The following LIN7A variants were observed in gnomAD, a reference collection of about 807,000 sequenced individuals.
LIN7A encodes protein lin-7 homolog A.
In LIN7A, 25 loss-of-function variants were observed where a neutral mutation model predicts 29.8. The ratio of observed to expected loss-of-function variants is 0.84; its 90% CI spans 0.61 to 1.17. The LOEUF (loss-of-function observed/expected upper bound fraction) is 1.17. Ranked by LOEUF, LIN7A falls within the 50% of genes most tolerant of loss-of-function variation. The pLI, the probability that LIN7A is intolerant of heterozygous loss-of-function variation, is 0.00. For synonymous variants in LIN7A, 118 were observed against 107.5 expected (o/e 1.10, Z -0.60); for missense variants, 239 against 287.0 (o/e 0.83, Z 1.21).
At chr12:80,884,626 A>G (rs1271009531) in intron 2 of LIN7A, among the ~76,000 whole-genome samples, 2 of 152,204 alleles carry the variant, frequency 1.3e-5, no homozygotes, top group Non-Finnish European at 2.9e-5. Flanking sequence ...AGCTTTAGAT[A>G]GGACGGAGAA....
intron 1 of LIN7A, among the ~76,000 whole-genome samples, chr12:80,915,879 G>A (rs1256353816): frequency 6.6e-6 from 1 of 152,158 alleles, no homozygotes; most frequent in Non-Finnish European, 1.5e-5. Flanking sequence ...GAATACAAGA[G>A]CAGGGAGGGA....
chr12:80,805,414 G>C (rs1232557333), intron 5 of LIN7A, among the ~76,000 whole-genome samples: 1 of 152,098 alleles, frequency 6.6e-6, no homozygotes, highest in African/African-American at 2.4e-5. Flanking sequence ...GGTCTTTAGA[G>C]TGGGAGGAAA....
intron 1 of LIN7A, among the ~76,000 whole-genome samples, chr12:80,906,445 ACT>A (rs1381803946): frequency 2.0e-5 from 3 of 150,770 alleles, no homozygotes; most frequent in Non-Finnish European, 4.4e-5. Context: ...TTGATCCAGG[ACT>A]CTCTTTCACC....
chr12:80,924,147 C>T (rs952031224), intron 1 of LIN7A, among the ~76,000 whole-genome samples: 2 of 152,168 alleles, frequency 1.3e-5, no homozygotes, highest in African/African-American at 4.8e-5. Flanking sequence ...GTACTGGGCA[C>T]TCATTAGGCT....
chr12:80,828,966 C>G (rs993034232), intron 4 of LIN7A, among the ~76,000 whole-genome samples: 5 of 152,044 alleles, frequency 3.3e-5, no homozygotes, highest in African/African-American at 1.2e-4. Flanking sequence ...AGTCTTTCCA[C>G]ACTGAATTAT....
chr12:80,805,637 A>G (rs933950535), intron 5 of LIN7A, among the ~76,000 whole-genome samples: 19 of 152,040 alleles, frequency 1.2e-4, no homozygotes, highest in African/African-American at 4.4e-4. Flanking sequence ...GTGAAATATT[A>G]TATACATGGA....
intron 1 of LIN7A, among the ~76,000 whole-genome samples, chr12:80,934,372 G>C (rs1359351851): frequency 6.6e-6 from 1 of 152,140 alleles, no homozygotes; most frequent in Admixed American, 6.5e-5. Context: ...GACCTTTACA[G>C]GGTTGATCTC....
chr12:80,899,931 C>T lies in LIN7A; in HGVS notation c.83-10562G>A, dbSNP rs1876122670. On this transcript the variant is annotated intron_variant, in intron 1 of 5. Transcript: ENST00000552864. ...TACAGGCGCCCGCCACAATGCCAGGCTAATTTTTTGTATTTTTAGTAGAGA... is the reference window on the plus strand; with the variant it reads ...TACAGGCGCCCGCCACAATGCCAGGTTAATTTTTTGTATTTTTAGTAGAGA... Among the ~76,000 whole-genome samples the T allele has an allele frequency of 2.0e-5, 3 of 151,854 alleles. No individual in the cohort carries two copies. The South Asian group carries it at 6.2e-4, about 32-fold the overall frequency.
intron 1 of LIN7A, among the ~76,000 whole-genome samples, chr12:80,918,488 T>C (rs917113333): frequency 7.9e-5 from 12 of 152,194 alleles, no homozygotes; most frequent in Admixed American, 3.3e-4. Context: ...ACCTCAGGCA[T>C]AGGGCTGTCT....
At chr12:80,840,142 C>T (rs947552832) in intron 4 of LIN7A, among the ~76,000 whole-genome samples, 2 of 152,004 alleles carry the variant, frequency 1.3e-5, no homozygotes, top group South Asian at 2.1e-4. Flanking sequence ...GACTTTCTTG[C>T]TTTATAAAAA....
At chr12:80,934,308 T>A (rs1878085302) in intron 1 of LIN7A, among the ~76,000 whole-genome samples, 1 of 152,154 alleles carries the variant, frequency 6.6e-6, no homozygotes, top group Admixed American at 6.5e-5. Flanking sequence ...GTGAAGGATA[T>A]CAAGGACTGG....
At chr12:80,898,605 T>C (rs1484177334) in intron 1 of LIN7A, among the ~76,000 whole-genome samples, 1 of 113,714 alleles carries the variant, frequency 8.8e-6, no homozygotes, top group African/African-American at 2.9e-5. Context: ...TGATTCTTCC[T>C]ATCCATGAGC....
At chr12:80,898,148 G>A (rs1163662) in intron 1 of LIN7A, among the ~76,000 whole-genome samples, 103,418 of 152,156 alleles carry the variant, frequency 0.68, 39,150 homozygotes, top group Non-Finnish European at 0.87. Context: ...TGATTTTTGT[G>A]TGTGGTGTAA....
chr12:80,858,660 TC>T (rs1383969026), intron 2 of LIN7A, among the ~76,000 whole-genome samples: 2 of 152,102 alleles, frequency 1.3e-5, no homozygotes, highest in South Asian at 2.1e-4. Flanking sequence ...ATAGTACCAT[TC>T]AAAGTGACTG....
chr12:80,862,591 C>T (rs990527523), intron 2 of LIN7A, among the ~76,000 whole-genome samples: 3 of 152,094 alleles, frequency 2.0e-5, no homozygotes, highest in Non-Finnish European at 2.9e-5. Context: ...CATGTCTGAA[C>T]GAAGCTTATC....
chr12:80,806,007 G>GGT (rs1870965932), intron 5 of LIN7A, among the ~76,000 whole-genome samples: 1 of 146,834 alleles, frequency 6.8e-6, no homozygotes, highest in South Asian at 2.2e-4. Flanking sequence ...GAACCCAGGA[G>GGT]GCAGAGGTTG....
intron 1 of LIN7A, among the ~76,000 whole-genome samples, chr12:80,889,668 A>C (rs1875523337): frequency 6.6e-6 from 1 of 152,170 alleles, no homozygotes; most frequent in Admixed American, 6.5e-5. Context: ...ATTTATTCTG[A>C]TACTCCAATA....
At chr12:80,928,889 T>G (rs1010500394) in intron 1 of LIN7A, among the ~76,000 whole-genome samples, 2 of 146,106 alleles carry the variant, frequency 1.4e-5, no homozygotes, top group Admixed American at 6.8e-5. Flanking sequence ...GAGTTTAATT[T>G]TCATCATGTT....
chr12:80,822,739 C>T (rs747575775), intron 4 of LIN7A, among the ~76,000 whole-genome samples: 2 of 152,010 alleles, frequency 1.3e-5, no homozygotes, highest in African/African-American at 2.4e-5. Context: ...AAGGGTGGCT[C>T]GGCACAGGAC....
Sources: gnomAD v4.1 joint callset for allele counts (sites outside exome capture counted in the v4.1 genomes callset) on GRCh38, gnomAD v4.1.1 for gene constraint, MANE v1.5 for transcripts, NCBI Gene and HGNC (gene_info 2026-07-23, HGNC 2026-07-21) for gene names.